CHERP: variants seen among roughly 807,000 people sequenced by gnomAD.
CHERP encodes calcium homeostasis endoplasmic reticulum protein.
A neutral mutation model predicts 113.8 loss-of-function variants in CHERP; 8 were observed. The ratio of observed to expected loss-of-function variants is 0.07; its 90% CI spans 0.04 to 0.13. The LOEUF (loss-of-function observed/expected upper bound fraction) is 0.13, where lower values mean the gene tolerates loss of function less well. Ranked by LOEUF, CHERP falls within the 10% of genes least tolerant of loss-of-function variation. The pLI is 1.00. For missense variants in CHERP, 884 were observed against 1,298.2 expected (o/e 0.68, Z 4.90); for synonymous variants, 559 against 524.5 (o/e 1.07, Z -0.90).
At chr19:16,540,379 GCTT>G (rs1303162008) in intron 2 of CHERP, among the ~76,000 whole-genome samples, 1 of 130,150 alleles carries the variant, frequency 7.7e-6, no homozygotes, top group African/African-American at 2.9e-5. Context: ...CTTTCAAGCT[GCTT>G]TTTTTTTTTA....
chr19:16,523,078 C>T lies in CHERP; in HGVS notation c.1954G>A (p.Ala652Thr). ...TTCACGAGGGGGGCCATCAGCCCAG[C>T]AGGGAGATCGAAGTAGGGCACATTG... ...VPNVPYFDLPAGLMAPLVKLE... is the reference protein window; with the variant it reads ...VPNVPYFDLPTGLMAPLVKLE... Residue 652 changes from alanine to threonine, a missense_variant, in exon 11 of 17, where the codon GCT becomes ACT. Physicochemically the swap from Ala to Thr is moderately conservative, Grantham distance 58. Coordinates refer to ENST00000546361, the MANE Select transcript of CHERP (RefSeq NM_006387.6). This position sits in a 1 kb window ranked among gnomAD's most constrained non-coding sequence, Gnocchi z 4.0. 5 of 1,526,444 alleles carry T rather than the reference C, an allele frequency of 3.3e-6. No individual in the cohort carries two copies. Among genetic ancestry groups the T allele is most frequent in the Non-Finnish European group, 4.4e-6 (5 of 1,140,478 alleles). 94.6% of individuals were successfully genotyped at this position (1,526,444 alleles called of 1,614,324 possible).
In CHERP at chr19:16,523,038, C is replaced by A; in HGVS notation, c.1980+14G>T. The stretch of plus-strand genomic sequence containing the variant: ...GTAAGCGTGCTCAGCTTGGAGCCCA[C>A]TGTGGGGCATTACCTTCACGAGGGG... On this transcript the variant is annotated intron_variant, in intron 11 of 16. Transcript: ENST00000546361. The surrounding 1 kb of genome is among the most constrained non-coding windows in gnomAD (Gnocchi z 4.0). The A allele has an allele frequency of 2.0e-6, 3 of 1,503,366 alleles. No homozygotes were observed. In the South Asian group the frequency reaches 4.0e-5, roughly 20 times the overall value. 93.1% of individuals were successfully genotyped at this position (1,503,366 alleles called of 1,614,324 possible).
intron 9 of CHERP, 26 bp downstream of exon 9, chr19:16,528,054 C>G: frequency 6.2e-7 from 1 of 1,610,504 alleles, no homozygotes; most frequent in Non-Finnish European, 8.5e-7. Context: ...GCCCCATCTG[C>G]TCCCACCCCA....
chr19:16,522,970 C>A (rs1260126161), intron 11 of CHERP, 82 bp downstream of exon 11: 3 of 1,446,186 alleles, frequency 2.1e-6, no homozygotes, highest in Non-Finnish European at 2.7e-6. Context: ...GGCACCCGGT[C>A]CCGTGCATTC....
At chr19:16,534,769 C>T (rs1218698877) in intron 3 of CHERP, among the ~76,000 whole-genome samples, 1 of 152,196 alleles carries the variant, frequency 6.6e-6, no homozygotes, top group Middle Eastern at 3.2e-3. Flanking sequence ...CCACCACACC[C>T]AGCCAATGCA....
At chr19:16,533,182 T>G in intron 3 of CHERP, 34 bp from the exon 4 acceptor site, 1 of 1,560,480 alleles carries the variant, frequency 6.4e-7, no homozygotes, top group Non-Finnish European at 8.7e-7. Flanking sequence ...CGAGAACACA[T>G]GAGGAGGGAC....
chr19:16,518,564 C>G lies in CHERP; in HGVS notation c.*595G>C, dbSNP rs1375838919. The G allele has an allele frequency of 6.5e-6, 1 of 152,818 alleles. No individual in the cohort carries two copies. The highest frequency in any genetic ancestry group is 1.5e-5 in the Non-Finnish European group (1 of 68,534). 9.5% of individuals were successfully genotyped at this position (152,818 alleles called of 1,614,324 possible). A position where few individuals can be genotyped will look rare whatever the true frequency, so the allele number is the denominator to read the frequency against. Reference sequence around the variant, plus strand: ...TCCTCTCAGGTCAGTATTCTTCTTTCTAGACCTAAACCAAGGAGAGTAAAA... The same window carrying G: ...TCCTCTCAGGTCAGTATTCTTCTTTGTAGACCTAAACCAAGGAGAGTAAAA... On this transcript the variant is annotated 3_prime_UTR_variant, in exon 17 of 17. Coordinates refer to ENST00000546361, the MANE Select transcript of CHERP (RefSeq NM_006387.6).
In CHERP at chr19:16,518,476, A is replaced by G. The variant is rs1395224439; in HGVS notation, c.*683T>C. Reference sequence around the variant, plus strand: ...AAAAAAAATATCAACTTATACAACTAAAATAACTGAACTAAGGGCCAGTAC... The same window carrying G: ...AAAAAAAATATCAACTTATACAACTGAAATAACTGAACTAAGGGCCAGTAC... On this transcript the variant is annotated 3_prime_UTR_variant, in exon 17 of 17. Coordinates refer to ENST00000546361, the MANE Select transcript of CHERP (RefSeq NM_006387.6). 1 of 152,216 alleles carries G rather than the reference A, an allele frequency of 6.6e-6. No homozygotes were observed. Among genetic ancestry groups the G allele is most frequent in the East Asian group, 1.9e-4 (1 of 5,194 alleles). The allele number at this position is 152,216 out of a possible 1,614,324, so 9.4% of individuals were successfully genotyped here.
At chr19:16,521,471 GGA>G in intron 12 of CHERP, 48 bp downstream of exon 12, 2 of 1,482,580 alleles carry the variant, frequency 1.3e-6, no homozygotes, top group Non-Finnish European at 1.8e-6. Context: ...CAGGGAGCCG[GGA>G]GAGGGGACAG....
chr19:16,531,054 G>T, intron 5 of CHERP, 174 bp from the exon 6 acceptor site: 1 of 1,126,702 alleles, frequency 8.9e-7, no homozygotes, highest in Non-Finnish European at 1.2e-6. Flanking sequence ...CTGGGCTCGA[G>T]GAAGGGACAG....
rs2085600711 is a variant in CHERP, at chr19:16,520,438, G to A, written c.2271C>T (p.Ser757=). 6 of 1,614,026 alleles carry A rather than the reference G, an allele frequency of 3.7e-6. No homozygotes were observed. In the African/African-American group the frequency reaches 8.0e-5, roughly 22 times the overall value. ...TTGAGTACGAGCCTGAAGACTTGGA[G>A]GATCTTGAGTTGGAGCGGGAGGAAG... ...GRSSSRSNSR[S]SKSSGSYSRS... is the part of the protein sequence containing the mutation. Residue 757 remains serine, a synonymous_variant, in exon 14 of 17, where the codon TCC becomes TCT. Transcript: ENST00000546361. The surrounding 1 kb of genome is among the most constrained non-coding windows in gnomAD (Gnocchi z 4.0).
chr19:16,525,280 G>A lies in CHERP; in HGVS notation c.1703C>T (p.Pro568Leu), dbSNP rs2085649399. 6.9e-7 allele frequency: 1 copy of A among 1,444,742 alleles called. No individual in the cohort carries two copies. The highest frequency in any genetic ancestry group is 2.9e-5 in the Admixed American group (1 of 34,976). The allele number at this position is 1,444,742 out of a possible 1,614,324, so 89.5% of individuals were successfully genotyped here. A position where few individuals can be genotyped will look rare whatever the true frequency, so the allele number is the denominator to read the frequency against. ...CCCCTGGGGGTAGTCGAAGCGGTGG[G>A]GATAGGGCGGCCGCTCGAAGGGGTG... The part of the protein sequence containing the change: ...PRHPFERPPY[P>L]HRFDYPQGDF... Residue 568 changes from proline (P) to leucine (L), a missense_variant, in exon 10 of 17, where the codon CCC becomes CTC. By Grantham distance (98) the Pro-to-Leu change is moderately conservative. Around this residue, in one of 8 missense-constraint regions of CHERP, gnomAD observed 464 missense variants for 590.1 expected, o/e 0.79. Coordinates refer to ENST00000546361, the MANE Select transcript of CHERP (RefSeq NM_006387.6). The surrounding 1 kb of genome is among the most constrained non-coding windows in gnomAD (Gnocchi z 6.5).
Position 16,530,582 on chromosome 19 carries a change from C to T in CHERP, c.876+3G>A. 6.2e-7 allele frequency: 1 copy of T among 1,613,710 alleles called. No homozygotes were observed. The highest frequency in any genetic ancestry group is 8.5e-7 in the Non-Finnish European group (1 of 1,179,664). ...TGAGGTGTGGGTGGGCAGGGACACT[C>T]ACCTGGTACTGACCAAGCCCCAGGG... On this transcript the variant is annotated splice_donor_region_variant and intron_variant, in intron 7 of 16. Transcript: ENST00000546361. The surrounding 1 kb of genome is among the most constrained non-coding windows in gnomAD (Gnocchi z 4.1).
chr19:16,521,225 AG>A, intron 12 of CHERP: 1 of 571,684 alleles, frequency 1.7e-6, no homozygotes, highest in Non-Finnish European at 3.1e-6. Flanking sequence ...CAGCACAGGA[AG>A]GAGGGGTGAC....
rs542460648 is a variant in CHERP at position 16,518,751 on chromosome 19, G to A, written c.*408C>T. 4.1e-5 allele frequency: 9 copies of A among 222,158 alleles called. No individual in the cohort carries two copies. In the East Asian group the frequency reaches 1.3e-3, roughly 32 times the overall value. 13.8% of individuals were successfully genotyped at this position (222,158 alleles called of 1,614,324 possible). On this transcript the variant is annotated 3_prime_UTR_variant, in exon 17 of 17. Coordinates refer to ENST00000546361, the MANE Select transcript of CHERP (RefSeq NM_006387.6). ...CGGGGAGCTGGAGGAAGGAGCTGGG[G>A]TGCCGGCTCTGGCTCAGGCCAACCC...
chr19:16,525,053 G>A lies in CHERP; in HGVS notation c.1741+189C>T, dbSNP rs1040505829. Among the ~76,000 whole-genome samples the A allele has an allele frequency of 2.6e-5, 4 of 152,178 alleles. No individual in the cohort carries two copies. Among genetic ancestry groups the A allele is most frequent in the South Asian group, 2.1e-4 (1 of 4,836 alleles). On this transcript the variant is annotated intron_variant, in intron 10 of 16. Coordinates refer to ENST00000546361, the MANE Select transcript of CHERP (RefSeq NM_006387.6). The surrounding 1 kb of genome is among the most constrained non-coding windows in gnomAD (Gnocchi z 6.5). ...TCTGCAGCCAGCCGGGCCTCATCAG[G>A]GCGGCAAAACTGAGTCTGTGCCCCC...
chr19:16,519,593 C>A lies in CHERP; in HGVS notation c.2557+28G>T. 8 of 1,580,796 alleles carry A rather than the reference C, an allele frequency of 5.1e-6. No homozygotes were observed. Among genetic ancestry groups the A allele is most frequent in the Non-Finnish European group, 7.0e-6 (8 of 1,149,836 alleles). Reference sequence around the variant, plus strand: ...GGCCCAGCACGCGTGAGGACCCATCCCGCGCCCTCCCCATTCCCTCGCCTT... The same window carrying A: ...GGCCCAGCACGCGTGAGGACCCATCACGCGCCCTCCCCATTCCCTCGCCTT... On this transcript the variant is annotated intron_variant, in intron 16 of 16. Coordinates refer to ENST00000546361, the MANE Select transcript of CHERP (RefSeq NM_006387.6). This position sits in a 1 kb window ranked among gnomAD's most constrained non-coding sequence, Gnocchi z 6.0.
intron 3 of CHERP, among the ~76,000 whole-genome samples, chr19:16,534,179 T>C (rs1282246581): frequency 6.6e-6 from 1 of 152,094 alleles, no homozygotes; most frequent in East Asian, 1.9e-4. Flanking sequence ...GTCTCCCGCG[T>C]AGCTGGGACT....
chr19:16,519,848 G>A lies in CHERP; in HGVS notation c.2463-133C>T, dbSNP rs939401192. 3.2e-5 allele frequency: 26 copies of A among 814,910 alleles called. No individual in the cohort carries two copies. Among genetic ancestry groups the A allele is most frequent in the African/African-American group, 1.5e-4 (9 of 59,840 alleles). The allele number at this position is 814,910 out of a possible 1,614,324, so 50.5% of individuals were successfully genotyped here. A position where few individuals can be genotyped will look rare whatever the true frequency, so the allele number is the denominator to read the frequency against. On this transcript the variant is annotated intron_variant, in intron 15 of 16. Coordinates refer to ENST00000546361, the MANE Select transcript of CHERP (RefSeq NM_006387.6). The surrounding 1 kb of genome is among the most constrained non-coding windows in gnomAD (Gnocchi z 6.0). ...AGGTGACACCGTATGCAGATTTTGC[G>A]TCTCTACCCGTTTATCCTGTCTCAG... is the stretch of plus-strand genomic sequence containing the variant.
Sources: gnomAD v4.1 joint callset for allele counts (sites outside exome capture counted in the v4.1 genomes callset) on GRCh38, gnomAD v4.1.1 for gene constraint, gnomAD v4.1.1 regional missense constraint, Gnocchi (gnomAD v3.1) non-coding constraint, MANE v1.5 for transcripts, NCBI Gene and HGNC (gene_info 2026-07-23, HGNC 2026-07-21) for gene names.